The following NAV2 variants were observed in gnomAD, a reference collection of about 807,000 sequenced individuals.
NAV2 encodes the protein helicase, APC down-regulated 1.
NAV2 carries 54 observed loss-of-function variants against 223.2 expected under a neutral mutation model. That is an observed-to-expected ratio of 0.24 (90% CI 0.19 to 0.30). NAV2 has a LOEUF of 0.30. NAV2 is among the 10% of genes least tolerant of loss of function. The pLI, the probability that NAV2 is intolerant of heterozygous loss-of-function variation, is 1.00. For missense variants in NAV2, 2,806 were observed against 3,147.5 expected (o/e 0.89, Z 2.60); for synonymous variants, 1,279 against 1,239.3 (o/e 1.03, Z -0.67).
At position 19,637,049 on chromosome 11, in the gene NAV2, C is replaced by G. The variant is rs188650251; in HGVS notation, c.76-195435C>G. Among the ~76,000 whole-genome samples, 32 of 152,348 alleles carry G rather than the reference C, an allele frequency of 2.1e-4. 1 individual carries two copies. In the East Asian group the frequency reaches 6.2e-3, roughly 29 times the overall value. On this transcript the variant is annotated intron_variant, in intron 1 of 37. Transcript: ENST00000360655. ...AACCAGTAAAATACCTCTGGGCCGT[C>G]TTTTTATGCTTCATCCAAGAAAACA...
At chr11:19,500,748 T>C (rs1462763913) in intron 1 of NAV2, among the ~76,000 whole-genome samples, 3 of 152,206 alleles carry the variant, frequency 2.0e-5, no homozygotes, top group Non-Finnish European at 2.9e-5. Flanking sequence ...ATGCTTTATC[T>C]AATTTGCTCT....
intron 1 of NAV2, among the ~76,000 whole-genome samples, chr11:19,571,890 G>C (rs571753715): frequency 6.6e-6 from 1 of 152,254 alleles, no homozygotes; most frequent in Non-Finnish European, 1.5e-5. Flanking sequence ...AGATATGTTA[G>C]GAAGTCCCAA....
chr11:19,449,374 G>T (rs1192580912), intron 1 of NAV2, among the ~76,000 whole-genome samples: 6 of 151,194 alleles, frequency 4.0e-5, no homozygotes, highest in Non-Finnish European at 8.8e-5. Flanking sequence ...TCCAGCCTGA[G>T]CGACAGAGCG....
intron 1 of NAV2, among the ~76,000 whole-genome samples, chr11:19,706,528 T>C (rs755257583): frequency 6.6e-6 from 1 of 152,250 alleles, no homozygotes; most frequent in Non-Finnish European, 1.5e-5. Context: ...CATTCATTTA[T>C]TCCCCTGTTT....
intron 1 of NAV2, among the ~76,000 whole-genome samples, chr11:19,670,083 A>G (rs530818431): frequency 3.9e-5 from 6 of 152,222 alleles, no homozygotes; most frequent in African/African-American, 1.4e-4. Context: ...CCTGCAAGCT[A>G]TGATCCAGCC....
At chr11:19,461,998 G>A (rs1229936767) in intron 1 of NAV2, among the ~76,000 whole-genome samples, 1 of 152,110 alleles carries the variant, frequency 6.6e-6, no homozygotes, top group Non-Finnish European at 1.5e-5. Flanking sequence ...TAGTAGAGAC[G>A]CAGTTTCACC....
chr11:19,846,378 C>A (rs141745524), intron 3 of NAV2, among the ~76,000 whole-genome samples: 51 of 152,310 alleles, frequency 3.3e-4, no homozygotes, highest in African/African-American at 1.2e-3. Context: ...CACAGTACAA[C>A]AGACTCATAG....
chr11:19,548,321 A>G (rs942551109), intron 1 of NAV2, among the ~76,000 whole-genome samples: 3 of 152,220 alleles, frequency 2.0e-5, no homozygotes, highest in African/African-American at 7.2e-5. Context: ...CACTTGGCAA[A>G]CATTTCCACA....
intron 12 of NAV2, among the ~76,000 whole-genome samples, chr11:20,038,848 A>G (rs934540611): frequency 1.3e-5 from 2 of 152,234 alleles, no homozygotes; most frequent in African/African-American, 2.4e-5. Context: ...TAACTAAAGC[A>G]TCTCAGGAAC....
intron 2 of NAV2, among the ~76,000 whole-genome samples, chr11:19,842,278 CAT>C (rs998513824): frequency 4.6e-5 from 7 of 152,180 alleles, no homozygotes; most frequent in Non-Finnish European, 7.4e-5. Flanking sequence ...GCTGGACACA[CAT>C]ATGTGTGTCC....
intron 6 of NAV2, among the ~76,000 whole-genome samples, chr11:19,921,411 C>G (rs1404699464): frequency 1.3e-5 from 2 of 152,138 alleles, no homozygotes; most frequent in African/African-American, 4.8e-5. Context: ...TGCCAGCATC[C>G]TAAATTTTGA....
chr11:20,054,192 TC>T lies in NAV2; in HGVS notation c.4596del (p.Ser1533AlafsTer2). Reference sequence around the variant, plus strand: ...TGCCAATTCCCCCTTTTCCTCTGGCTCCAGCGTGACTTCTCCCTCCGGAACA... The same window carrying T: ...TGCCAATTCCCCCTTTTCCTCTGGCTCAGCGTGACTTCTCCCTCCGGAACA... Reference protein sequence around the residue: ...TAANSPFSSGSSVTSPSGTRF... With the variant: ...TAANSPFSSGXSVTSPSGTRF... On this transcript the variant is annotated frameshift_variant, in exon 18 of 38. Coordinates refer to ENST00000349880, the MANE Select transcript of NAV2 (RefSeq NM_145117.5). LOFTEE classifies it high-confidence loss of function. The T allele has an allele frequency of 6.2e-7, 1 of 1,613,356 alleles. No individual in the cohort carries two copies. Among genetic ancestry groups the T allele is most frequent in the Non-Finnish European group, 8.5e-7 (1 of 1,179,882 alleles).
intron 1 of NAV2, among the ~76,000 whole-genome samples, chr11:19,804,323 C>T (rs2058429895): frequency 6.6e-6 from 1 of 152,228 alleles, no homozygotes; most frequent in Non-Finnish European, 1.5e-5. Flanking sequence ...ATCCCTCTCA[C>T]ATACCTCAGT....
intron 1 of NAV2, chr11:19,503,453 T>G (rs2043021738): frequency 6.6e-6 from 1 of 152,254 alleles, no homozygotes; most frequent in Non-Finnish European, 1.5e-5. Flanking sequence ...GCTCTGCTTA[T>G]TCATCTCTCC....
chr11:19,950,218 A>G (rs538978288), intron 10 of NAV2, among the ~76,000 whole-genome samples: 2 of 152,374 alleles, frequency 1.3e-5, no homozygotes, highest in South Asian at 4.1e-4. Flanking sequence ...CCATGAAAAT[A>G]ATGATCAAGA....
At position 20,048,733 on chromosome 11, in the gene NAV2, T is replaced by C; in HGVS notation, c.3908T>C (p.Phe1303Ser). The C allele has an allele frequency of 6.2e-7, 1 of 1,613,796 alleles. No homozygotes were observed. Among genetic ancestry groups the C allele is most frequent in the Non-Finnish European group, 8.5e-7 (1 of 1,179,842 alleles). ...DVASPTLRRL[F>S]GGKPTKQVPI... ...AACCCTTTGTCTCTTCACAGACTCTTTGGTGGGAAGCCTACCAAGCAAGTG... is the reference window on the plus strand; with the variant it reads ...AACCCTTTGTCTCTTCACAGACTCTCTGGTGGGAAGCCTACCAAGCAAGTG... Residue 1303 changes from phenylalanine (F) to serine (S), a missense_variant, in exon 15 of 38, where the codon TTT becomes TCT. Phe to Ser is a radical substitution (Grantham distance 155). Around this residue, in one of 4 missense-constraint regions of NAV2, gnomAD observed 742 missense variants for 777.9 expected, o/e 0.95. Coordinates refer to ENST00000349880, the MANE Select transcript of NAV2 (RefSeq NM_145117.5).
chr11:20,112,258 C>T (rs542653296), intron 36 of NAV2, among the ~76,000 whole-genome samples: 1 of 152,304 alleles, frequency 6.6e-6, no homozygotes, highest in East Asian at 1.9e-4. Flanking sequence ...CCTTCCTGCT[C>T]ACACAATAAT....
At chr11:19,760,641 G>A (rs1041012700) in intron 1 of NAV2, among the ~76,000 whole-genome samples, 3 of 151,984 alleles carry the variant, frequency 2.0e-5, no homozygotes, top group African/African-American at 7.3e-5. Flanking sequence ...TTATGCAAAC[G>A]GCACCTTTTC....
intron 1 of NAV2, chr11:19,777,699 C>A: frequency 2.5e-6 from 1 of 398,036 alleles, no homozygotes. Flanking sequence ...GTGTTTAAAC[C>A]AGGAAAGTCG....
Sources: allele counts gnomAD v4.1 joint callset (sites outside exome capture counted in the v4.1 genomes callset), GRCh38; gene constraint gnomAD v4.1.1; regional missense constraint gnomAD v4.1.1; transcripts MANE v1.5; gene names NCBI Gene and HGNC (gene_info 2026-07-23, HGNC 2026-07-21).